Variants in MBNL2 observed in about 807,000 individuals in gnomAD.
MBNL2 encodes the protein muscleblind-like protein 2.
A neutral mutation model predicts 41.9 loss-of-function variants in MBNL2; 17 were observed. That is an observed-to-expected ratio of 0.41 (90% CI 0.28 to 0.61). MBNL2 has a LOEUF of 0.61. Among genes scored for constraint, MBNL2 ranks in the 20% least tolerant of loss-of-function variants. The pLI, the probability that MBNL2 is intolerant of heterozygous loss-of-function variation, is 0.35. For missense variants in MBNL2, 336 were observed against 505.6 expected (o/e 0.66, Z 3.22); for synonymous variants, 195 against 182.9 (o/e 1.07, Z -0.53).
intron 2 of MBNL2, among the ~76,000 whole-genome samples, chr13:97,301,030 G>A (rs2057568832): frequency 6.6e-6 from 1 of 152,168 alleles, no homozygotes; most frequent in Admixed American, 6.5e-5. Context: ...GAATAACAAG[G>A]GCAGTTGATG....
chr13:97,221,474 G>A (rs921523632), upstream of MBNL2: 2 of 152,124 alleles, frequency 1.3e-5, no homozygotes, highest in Non-Finnish European at 2.9e-5. Flanking sequence ...TTTGTGGAAT[G>A]GCACCTCATG....
At chr13:97,302,270 A>T (rs923672042) in intron 2 of MBNL2, among the ~76,000 whole-genome samples, 2 of 152,210 alleles carry the variant, frequency 1.3e-5, no homozygotes, top group African/African-American at 4.8e-5. Flanking sequence ...GATCAGTCAG[A>T]TGAGAGGAAG....
chr13:97,199,412 T>C, the MBNL2 span, among the ~76,000 whole-genome samples: 1 of 152,170 alleles, frequency 6.6e-6, no homozygotes, highest in East Asian at 1.9e-4. Flanking sequence ...GAAAGCTCCA[T>C]GAGGGCAAGG....
At chr13:97,290,688 A>G (rs2055741614) in intron 2 of MBNL2, among the ~76,000 whole-genome samples, 2 of 151,050 alleles carry the variant, frequency 1.3e-5, no homozygotes, top group Admixed American at 1.3e-4. Context: ...GTCTCAAAAA[A>G]AAAAAAAAAA....
intron 8 of MBNL2, among the ~76,000 whole-genome samples, chr13:97,384,315 T>C (rs1201682639): frequency 6.6e-6 from 1 of 152,266 alleles, no homozygotes; most frequent in Non-Finnish European, 1.5e-5. Flanking sequence ...ATACCATATA[T>C]TCACTAAGAG....
the MBNL2 span, among the ~76,000 whole-genome samples, chr13:97,171,659 C>T: frequency 2.0e-5 from 3 of 152,258 alleles, no homozygotes; most frequent in African/African-American, 7.2e-5. Context: ...CCAAGTCTAC[C>T]TAGATTCCTG....
At chr13:97,179,053 G>C in the MBNL2 span, among the ~76,000 whole-genome samples, 2 of 152,184 alleles carry the variant, frequency 1.3e-5, no homozygotes, top group Non-Finnish European at 2.9e-5. Context: ...TCAAAGACCT[G>C]ATCATTTCCA....
intron 1 of MBNL2, among the ~76,000 whole-genome samples, chr13:97,262,031 AGAAGCAGGTG>A (rs527470243): frequency 5.4e-4 from 82 of 152,310 alleles, no homozygotes; most frequent in Admixed American, 1.8e-3. Context: ...GGGTCAGGGG[AGAAGCAGGTG>A]GTCTCCCACC....
upstream of MBNL2, chr13:97,222,279 C>G (rs564486899): frequency 1.8e-5 from 7 of 396,250 alleles, no homozygotes; most frequent in East Asian, 2.1e-4. Flanking sequence ...TGGCTGGCCC[C>G]GGCTGGGAGG....
the MBNL2 span, among the ~76,000 whole-genome samples, chr13:97,189,790 T>C: frequency 2.6e-5 from 4 of 152,216 alleles, no homozygotes; most frequent in Admixed American, 1.3e-4. Context: ...AAAATTAATA[T>C]GATCACAACT....
intron 1 of MBNL2, among the ~76,000 whole-genome samples, chr13:97,275,073 T>C (rs2152926648): frequency 6.6e-6 from 1 of 152,310 alleles, no homozygotes; most frequent in Admixed American, 6.5e-5. Context: ...AATAGGAAGA[T>C]AAACATTAGG....
At chr13:97,160,128 T>C in the MBNL2 span, among the ~76,000 whole-genome samples, 1 of 152,336 alleles carries the variant, frequency 6.6e-6, no homozygotes, top group East Asian at 1.9e-4. Flanking sequence ...AATTTTCTTA[T>C]GTTTAAAAAA....
intron 1 of MBNL2, among the ~76,000 whole-genome samples, chr13:97,261,046 C>T (rs2048522363): frequency 6.6e-6 from 1 of 152,022 alleles, no homozygotes; most frequent in East Asian, 1.9e-4. Context: ...GCTCCCCACA[C>T]TGCTTCCTCC....
rs554768591 is a variant in MBNL2 at position 97,366,918 on chromosome 13, C to T, written c.1048+1747C>T. 6.6e-5 allele frequency among the ~76,000 whole-genome samples: 10 copies of T among 152,162 alleles called. No homozygotes were observed. The South Asian group carries it at 1.9e-3, about 28-fold the overall frequency. The stretch of plus-strand genomic sequence containing the variant: ...CTTCAAAACTGGCTATATTTTAATT[C>T]GGTTCATTCAGACCCTATCATCTGT... On this transcript the variant is annotated intron_variant, in intron 8 of 8. Coordinates refer to ENST00000679496, the MANE Select transcript of MBNL2 (RefSeq NM_001382683.1). The surrounding 1 kb of genome is among the most constrained non-coding windows in gnomAD (Gnocchi z 4.7).
chr13:97,168,444 G>A, the MBNL2 span, among the ~76,000 whole-genome samples: 1 of 152,218 alleles, frequency 6.6e-6, no homozygotes, highest in Non-Finnish European at 1.5e-5. Context: ...AGAGAATATT[G>A]TATAAATTTT....
Position 97,343,456 on chromosome 13 carries a change from C to T in MBNL2, c.540+240C>T, listed in dbSNP as rs114707367. 1.7e-3 allele frequency among the ~76,000 whole-genome samples: 259 copies of T among 152,266 alleles called. 2 individuals carry two copies. Among genetic ancestry groups the T allele is most frequent in the African/African-American group, 6.0e-3 (251 of 41,538 alleles). On this transcript the variant is annotated intron_variant, in intron 4 of 8. Coordinates refer to ENST00000679496, the MANE Select transcript of MBNL2 (RefSeq NM_001382683.1). ...ACAAAAATCAGCTGCATGGAATATG[C>T]GTTTAAGGGAAAAATATTAAACAAT...
chr13:97,317,491 T>A (rs75524755), intron 2 of MBNL2, among the ~76,000 whole-genome samples: 1,601 of 152,318 alleles, frequency 0.011, 32 homozygotes, highest in African/African-American at 0.034. Flanking sequence ...GGGGCTTTAG[T>A]CTTTTGCCAT....
chr13:97,263,226 G>A (rs1303513821), intron 1 of MBNL2, among the ~76,000 whole-genome samples: 1 of 152,122 alleles, frequency 6.6e-6, no homozygotes, highest in Non-Finnish European at 1.5e-5. Flanking sequence ...TGACCTTTCT[G>A]CTCTACCATG....
the MBNL2 span, among the ~76,000 whole-genome samples, chr13:97,157,446 T>C: frequency 8.8e-6 from 1 of 113,454 alleles, no homozygotes; most frequent in Non-Finnish European, 1.8e-5. Flanking sequence ...ATAGGAGTGG[T>C]GAGAGAGGGC....
Sources: gnomAD v4.1 joint callset for allele counts (sites outside exome capture counted in the v4.1 genomes callset) on GRCh38, gnomAD v4.1.1 for gene constraint, Gnocchi (gnomAD v3.1) non-coding constraint, MANE v1.5 for transcripts, NCBI Gene and HGNC (gene_info 2026-07-23, HGNC 2026-07-21) for gene names.